CCDC148: variants seen among roughly 807,000 people sequenced by gnomAD.
CCDC148 encodes coiled-coil domain containing 148, also known as coiled-coil domain-containing protein 148.
Under a neutral mutation model 85.7 loss-of-function variants are expected in CCDC148, and 89 were observed. That is an observed-to-expected ratio of 1.04 (90% confidence interval 0.87 to 1.24). CCDC148 has a LOEUF of 1.24. CCDC148 is among the 50% of genes most tolerant of loss of function. The pLI is 0.00. For missense variants in CCDC148, 692 were observed against 671.7 expected (o/e 1.03, Z -0.33); for synonymous variants, 230 against 213.9 (o/e 1.08, Z -0.66).
chr2:158,195,201 C>A (rs1458364240), intron 11 of CCDC148, among the ~76,000 whole-genome samples: 1 of 152,022 alleles, frequency 6.6e-6, no homozygotes, highest in Non-Finnish European at 1.5e-5. Context: ...GTATCTTATG[C>A]TTTTCCCACT....
chr2:158,251,614 A>T (rs1292782231), intron 9 of CCDC148, among the ~76,000 whole-genome samples: 1 of 151,836 alleles, frequency 6.6e-6, no homozygotes, highest in Non-Finnish European at 1.5e-5. Flanking sequence ...TTTAAAACAG[A>T]AAAATCGAAA....
At position 158,300,452 on chromosome 2, in the gene CCDC148, T is replaced by C. The variant is rs535229751; in HGVS notation, c.1110+8981A>G. On this transcript the variant is annotated intron_variant, in intron 9 of 13. Transcript: ENST00000283233. Reference sequence around the variant, plus strand: ...TAATCACAGGCGAGCCAGAGTTATGTACCAGGAGTTAGGGAGAACAAAGAG... The same window carrying C: ...TAATCACAGGCGAGCCAGAGTTATGCACCAGGAGTTAGGGAGAACAAAGAG... Among the ~76,000 whole-genome samples, 16 of 152,288 alleles carry C rather than the reference T, an allele frequency of 1.1e-4. No homozygotes were observed. In the South Asian group the frequency reaches 3.3e-3, roughly 32 times the overall value.
chr2:158,304,175 T>G (rs1227681898), intron 9 of CCDC148, among the ~76,000 whole-genome samples: 1 of 152,102 alleles, frequency 6.6e-6, no homozygotes, highest in African/African-American at 2.4e-5. Context: ...TCCCTCTTCA[T>G]GCAGAAGATG....
In CCDC148 at chr2:158,340,619, G is replaced by C; in HGVS notation, c.313C>G (p.Leu105Val). The C allele has an allele frequency of 1.3e-6, 2 of 1,589,224 alleles. No homozygotes were observed. The highest frequency in any genetic ancestry group is 3.4e-4 in the Middle Eastern group (2 of 5,820). Residue 105 changes from leucine (L) to valine (V), a missense_variant, in exon 4 of 14, where the codon CTT becomes GTT. Leu to Val is a conservative substitution (Grantham distance 32, BLOSUM62 1). Coordinates refer to ENST00000283233, the MANE Select transcript of CCDC148 (RefSeq NM_138803.4). ...TTACCAAAATTTGTAAGGTCACAAAGACATTCATTTCCAATGTTCTCTTCA... is the reference window on the plus strand; with the variant it reads ...TTACCAAAATTTGTAAGGTCACAAACACATTCATTTCCAATGTTCTCTTCA... ...LNEENIGNEC[L>V]CDLTNFEQEL...
At chr2:158,374,017 C>T (rs909997582) in intron 1 of CCDC148, among the ~76,000 whole-genome samples, 1 of 152,062 alleles carries the variant, frequency 6.6e-6, no homozygotes, top group Non-Finnish European at 1.5e-5. Flanking sequence ...CAGTCCTGCA[C>T]CTAATGCATG....
chr2:158,218,238 ACT>A (rs1438284386), intron 11 of CCDC148, among the ~76,000 whole-genome samples: 2 of 152,168 alleles, frequency 1.3e-5, no homozygotes, highest in East Asian at 3.8e-4. Flanking sequence ...AAGTGGATCA[ACT>A]CTGTCCTCAG....
In CCDC148 at chr2:158,279,036, T is replaced by C. The variant is rs371031540; in HGVS notation, c.1111-28124A>G. Among the ~76,000 whole-genome samples, 13 of 152,304 alleles carry C rather than the reference T, an allele frequency of 8.5e-5. 2 individuals carry two copies. Among genetic ancestry groups the C allele is most frequent in the Admixed American group, 6.5e-4 (10 of 15,296 alleles). ...GCAAACAGGGTCTGGAGTGGACCTC[T>C]AGCAAACTCTAACAGACCTGCACCT... On this transcript the variant is annotated intron_variant, in intron 9 of 13. Coordinates refer to ENST00000283233, the MANE Select transcript of CCDC148 (RefSeq NM_138803.4).
At chr2:158,375,811 G>A (rs1232223499) in intron 1 of CCDC148, among the ~76,000 whole-genome samples, 7 of 152,072 alleles carry the variant, frequency 4.6e-5, no homozygotes, top group East Asian at 1.9e-4. Flanking sequence ...CATGAAATGC[G>A]GACGTAAAGC....
rs144525843 is a variant in CCDC148 at position 158,436,166 on chromosome 2, G to C, written c.25+20249C>G. On this transcript the variant is annotated intron_variant, in intron 1 of 13. Coordinates refer to ENST00000283233, the MANE Select transcript of CCDC148 (RefSeq NM_138803.4). ...CAGAACTCTCCACCCCAAATCATCA[G>C]AATATACATTCTTCTCAGCACCCCA... Among the ~76,000 whole-genome samples, 400 of 152,268 alleles carry C rather than the reference G, an allele frequency of 2.6e-3. 1 individual carries two copies. The highest frequency in any genetic ancestry group is 9.0e-3 in the African/African-American group (374 of 41,542).
intron 10 of CCDC148, among the ~76,000 whole-genome samples, chr2:158,234,614 A>T (rs1396013935): frequency 2.6e-5 from 4 of 152,214 alleles, no homozygotes; most frequent in Non-Finnish European, 5.9e-5. Context: ...TCACAACCTT[A>T]AAAGGGTGAA....
chr2:158,302,779 T>TAAAA (rs5835699), intron 9 of CCDC148, among the ~76,000 whole-genome samples: 1 of 135,904 alleles, frequency 7.4e-6, no homozygotes. Flanking sequence ...TGAGACTCCA[T>TAAAA]AAAAAAAAAA....
At chr2:158,208,383 G>A (rs1686367782) in intron 11 of CCDC148, among the ~76,000 whole-genome samples, 1 of 152,062 alleles carries the variant, frequency 6.6e-6, no homozygotes, top group Non-Finnish European at 1.5e-5. Flanking sequence ...CTCCTTTGTA[G>A]AAATCCCCAC....
intron 1 of CCDC148, among the ~76,000 whole-genome samples, chr2:158,430,270 A>G (rs909452581): frequency 1.3e-5 from 2 of 152,172 alleles, no homozygotes; most frequent in East Asian, 1.9e-4. Flanking sequence ...GAGTAAAGGC[A>G]ACTCCACACA....
intron 9 of CCDC148, among the ~76,000 whole-genome samples, chr2:158,267,631 A>G (rs187817506): frequency 3.3e-5 from 5 of 152,354 alleles, no homozygotes; most frequent in East Asian, 3.9e-4. Context: ...ATAGAAAAAC[A>G]TATAAATTAG....
At chr2:158,439,711 A>G (rs965114228) in intron 1 of CCDC148, among the ~76,000 whole-genome samples, 5 of 152,180 alleles carry the variant, frequency 3.3e-5, no homozygotes, top group Non-Finnish European at 7.4e-5. Flanking sequence ...GAAAGGGTAG[A>G]CTATTTGATC....
chr2:158,179,776 C>T (rs1684797921), intron 11 of CCDC148, among the ~76,000 whole-genome samples: 2 of 152,196 alleles, frequency 1.3e-5, no homozygotes, highest in Admixed American at 1.3e-4. Context: ...ATATTGTCAT[C>T]TACATTCTCA....
intron 1 of CCDC148, among the ~76,000 whole-genome samples, chr2:158,386,685 A>G (rs1685099331): frequency 6.6e-6 from 1 of 152,042 alleles, no homozygotes; most frequent in Admixed American, 6.6e-5. Context: ...TCTACCTCAT[A>G]CTATTCTCTG....
chr2:158,456,030 T>C (rs1688680950), intron 1 of CCDC148, among the ~76,000 whole-genome samples: 1 of 152,344 alleles, frequency 6.6e-6, no homozygotes, highest in South Asian at 2.1e-4. Flanking sequence ...TTCCTCTATC[T>C]TTAACAAGCC....
intron 9 of CCDC148, among the ~76,000 whole-genome samples, chr2:158,307,868 G>A (rs1691771938): frequency 6.6e-6 from 1 of 152,142 alleles, no homozygotes; most frequent in African/African-American, 2.4e-5. Context: ...GTGATCACAG[G>A]TGGGGATTGT....
Sources: gnomAD v4.1 joint callset for allele counts (sites outside exome capture counted in the v4.1 genomes callset) on GRCh38, gnomAD v4.1.1 for gene constraint, MANE v1.5 for transcripts, NCBI Gene and HGNC (gene_info 2026-07-23, HGNC 2026-07-21) for gene names.